The following CNTNAP2 variants were observed in gnomAD, a reference collection of about 807,000 sequenced individuals.
CNTNAP2 encodes contactin associated protein 2.
Under a neutral mutation model 155.2 loss-of-function variants are expected in CNTNAP2, and 98 were observed. That is an observed-to-expected ratio of 0.63 (90% CI 0.54 to 0.75). The LOEUF is 0.75. CNTNAP2 is among the 30% of genes least tolerant of loss of function. CNTNAP2 has a pLI of 0.00. For synonymous variants in CNTNAP2, 651 were observed against 631.2 expected (o/e 1.03, Z -0.47); for missense variants, 1,727 against 1,688.1 (o/e 1.02, Z -0.40).
At chr7:147,522,790 A>AC (rs200182708) in intron 11 of CNTNAP2, among the ~76,000 whole-genome samples, 3,467 of 151,420 alleles carry the variant, frequency 0.023, 153 homozygotes, top group African/African-American at 0.079. Context: ...AAAAAAACAA[A>AC]AAAAAAAAAA....
intron 9 of CNTNAP2, among the ~76,000 whole-genome samples, chr7:147,344,139 A>G (rs1795807992): frequency 6.6e-6 from 1 of 152,160 alleles, no homozygotes; most frequent in Non-Finnish European, 1.5e-5. Flanking sequence ...TGTGATTTTA[A>G]AGCCCATGTC....
At chr7:147,196,321 G>A (rs556336124) in intron 8 of CNTNAP2, among the ~76,000 whole-genome samples, 3 of 152,270 alleles carry the variant, frequency 2.0e-5, no homozygotes, top group Non-Finnish European at 2.9e-5. Context: ...ACAACTATAT[G>A]CTGGACAGAT....
At chr7:147,768,966 A>C (rs1012064865) in intron 13 of CNTNAP2, among the ~76,000 whole-genome samples, 1 of 152,162 alleles carries the variant, frequency 6.6e-6, no homozygotes, top group African/African-American at 2.4e-5. Flanking sequence ...CTTCTAGTTT[A>C]ATAGGAGAAA....
At position 146,456,920 on chromosome 7, in the gene CNTNAP2, C is replaced by T. The variant is rs536112116; in HGVS notation, c.98-317351C>T. Among the ~76,000 whole-genome samples the T allele has an allele frequency of 4.7e-4, 72 of 152,246 alleles. 1 individual carries two copies. The highest frequency in any genetic ancestry group is 7.2e-4 in the Admixed American group (11 of 15,278). On this transcript the variant is annotated intron_variant, in intron 1 of 23. Coordinates refer to ENST00000361727, the MANE Select transcript of CNTNAP2 (RefSeq NM_014141.6). ...TGGTAGGAAAGACAGTCTTAGAAAT[C>T]ATCTAATCCACAAAGTATAAATGAC...
chr7:146,887,210 C>T (rs1336121987), intron 3 of CNTNAP2, among the ~76,000 whole-genome samples: 1 of 151,912 alleles, frequency 6.6e-6, no homozygotes, highest in African/African-American at 2.4e-5. Flanking sequence ...AGTACAATGG[C>T]GCGATCTTGG....
intron 9 of CNTNAP2, among the ~76,000 whole-genome samples, chr7:147,333,283 T>A (rs1795606247): frequency 1.3e-5 from 2 of 152,234 alleles, no homozygotes; most frequent in African/African-American, 2.4e-5. Context: ...TGGTGAGAAC[T>A]CTCGGCGTTC....
At chr7:148,261,838 A>G (rs1796568729) in intron 20 of CNTNAP2, among the ~76,000 whole-genome samples, 1 of 152,046 alleles carries the variant, frequency 6.6e-6, no homozygotes, top group Admixed American at 6.5e-5. Flanking sequence ...ATGTCCTCGC[A>G]CTCTGGGCAG....
At chr7:146,430,463 T>A (rs1336848432) in intron 1 of CNTNAP2, among the ~76,000 whole-genome samples, 1 of 152,066 alleles carries the variant, frequency 6.6e-6, no homozygotes, top group Admixed American at 6.6e-5. Context: ...CTTTATCGAA[T>A]CTTTCACAGA....
chr7:147,176,635 A>G (rs980000739), intron 8 of CNTNAP2, among the ~76,000 whole-genome samples: 3 of 138,970 alleles, frequency 2.2e-5, no homozygotes, highest in African/African-American at 8.3e-5. Flanking sequence ...CACACGTATA[A>G]TATAATATTT....
intron 21 of CNTNAP2, among the ~76,000 whole-genome samples, chr7:148,292,762 A>G (rs537536340): frequency 6.6e-6 from 1 of 152,212 alleles, no homozygotes; most frequent in South Asian, 2.1e-4. Flanking sequence ...CAGCCCAAAC[A>G]CTAGAATGAG....
At chr7:147,898,810 G>A (rs989159086) in intron 13 of CNTNAP2, among the ~76,000 whole-genome samples, 11 of 152,232 alleles carry the variant, frequency 7.2e-5, no homozygotes, top group East Asian at 3.9e-4. Flanking sequence ...GAGCCACCAC[G>A]TCCAGCCCCA....
At chr7:147,507,819 G>A (rs559131755) in intron 11 of CNTNAP2, among the ~76,000 whole-genome samples, 1 of 151,994 alleles carries the variant, frequency 6.6e-6, no homozygotes, top group Non-Finnish European at 1.5e-5. Flanking sequence ...CCAAAGTGCT[G>A]AGATTACAGG....
intron 21 of CNTNAP2, among the ~76,000 whole-genome samples, chr7:148,373,700 G>T (rs1798931616): frequency 6.6e-6 from 1 of 152,172 alleles, no homozygotes; most frequent in Non-Finnish European, 1.5e-5. Context: ...TTACTAAAAT[G>T]CTTTGCTGAA....
intron 13 of CNTNAP2, among the ~76,000 whole-genome samples, chr7:147,775,239 A>T (rs1797543489): frequency 8.3e-6 from 1 of 120,174 alleles, no homozygotes. Context: ...ATATATATAT[A>T]TATTTATATA....
At chr7:148,041,219 C>T (rs1406435147) in intron 15 of CNTNAP2, among the ~76,000 whole-genome samples, 1 of 152,140 alleles carries the variant, frequency 6.6e-6, no homozygotes, top group Non-Finnish European at 1.5e-5. Flanking sequence ...TAACTCCAGG[C>T]AAATGAATAT....
intron 11 of CNTNAP2, among the ~76,000 whole-genome samples, chr7:147,558,474 ACTG>A (rs1469921887): frequency 3.9e-5 from 6 of 152,274 alleles, no homozygotes; most frequent in Admixed American, 3.9e-4. Context: ...GCTTGTCATA[ACTG>A]CAAATTCTCT....
At chr7:147,665,016 T>C (rs1277901109) in intron 13 of CNTNAP2, among the ~76,000 whole-genome samples, 4 of 152,212 alleles carry the variant, frequency 2.6e-5, no homozygotes, top group Non-Finnish European at 5.9e-5. Flanking sequence ...TACAGAGGTA[T>C]GTGTAAGAGT....
At chr7:147,677,589 G>C (rs960287927) in intron 13 of CNTNAP2, among the ~76,000 whole-genome samples, 11 of 151,600 alleles carry the variant, frequency 7.3e-5, no homozygotes, top group Non-Finnish European at 1.6e-4. Flanking sequence ...AAAAATCGTT[G>C]CTCAGAAAAA....
chr7:146,131,011 AT>A (rs1249001212), intron 1 of CNTNAP2, among the ~76,000 whole-genome samples: 1 of 152,174 alleles, frequency 6.6e-6, no homozygotes, highest in Non-Finnish European at 1.5e-5. Flanking sequence ...TCAAGATGAG[AT>A]TTGGGTGGGT....
Sources: allele counts gnomAD v4.1 joint callset (sites outside exome capture counted in the v4.1 genomes callset), GRCh38; gene constraint gnomAD v4.1.1; transcripts MANE v1.5; gene names NCBI Gene and HGNC (gene_info 2026-07-23, HGNC 2026-07-21).